The following KLHL29 variants were observed in gnomAD, a reference collection of about 807,000 sequenced individuals.
KLHL29 encodes kelch like family member 29, also known as kelch-like protein 29.
Under a neutral mutation model 80.4 loss-of-function variants are expected in KLHL29, and 21 were observed. That is an observed-to-expected ratio of 0.26 (90% CI 0.19 to 0.38). The LOEUF is 0.38. Among genes scored for constraint, KLHL29 ranks in the 10% least tolerant of loss-of-function variants. The pLI is 1.00. For synonymous variants in KLHL29, 511 were observed against 526.8 expected (o/e 0.97, Z 0.41); for missense variants, 867 against 1,223.9 (o/e 0.71, Z 4.35).
intron 1 of KLHL29, among the ~76,000 whole-genome samples, chr2:23,435,382 G>A (rs1663309457): frequency 6.6e-6 from 1 of 152,204 alleles, no homozygotes; most frequent in Admixed American, 6.5e-5. Context: ...AGTGGAGGCT[G>A]AGCTAGGCTG....
intron 2 of KLHL29, among the ~76,000 whole-genome samples, chr2:23,526,826 A>G (rs1666336161): frequency 6.6e-6 from 1 of 152,178 alleles, no homozygotes; most frequent in Admixed American, 6.5e-5. Context: ...GAATATTTAT[A>G]CAACAGAAAC....
intron 1 of KLHL29, among the ~76,000 whole-genome samples, chr2:23,466,347 TTTC>T (rs1321053395): frequency 6.6e-6 from 1 of 152,236 alleles, no homozygotes; most frequent in Non-Finnish European, 1.5e-5. Context: ...CATCTATGTG[TTTC>T]TTTTTATCAA....
intron 5 of KLHL29, among the ~76,000 whole-genome samples, chr2:23,658,158 A>C (rs1670297955): frequency 1.4e-5 from 2 of 146,548 alleles, no homozygotes; most frequent in Non-Finnish European, 3.0e-5. Flanking sequence ...GTCCTCCCCC[A>C]CCCTACTCAC....
At chr2:23,665,718 CAGA>C (rs1670535954) in intron 5 of KLHL29, among the ~76,000 whole-genome samples, 1 of 152,098 alleles carries the variant, frequency 6.6e-6, no homozygotes, top group African/African-American at 2.4e-5. Context: ...TGAGGGCAGA[CAGA>C]AGAGAGAGGG....
chr2:23,393,104 A>G (rs1479791385), intron 1 of KLHL29, among the ~76,000 whole-genome samples: 1 of 152,230 alleles, frequency 6.6e-6, no homozygotes, highest in African/African-American at 2.4e-5. Flanking sequence ...AGAACCACTA[A>G]TCGCTGACCC....
At chr2:23,425,148 G>C (rs1368665504) in intron 1 of KLHL29, among the ~76,000 whole-genome samples, 1 of 152,008 alleles carries the variant, frequency 6.6e-6, no homozygotes, top group South Asian at 2.1e-4. Context: ...TATAATCCTT[G>C]AATAATATAC....
At chr2:23,403,753 G>A (rs1036153514) in intron 1 of KLHL29, among the ~76,000 whole-genome samples, 1 of 151,792 alleles carries the variant, frequency 6.6e-6, no homozygotes, top group African/African-American at 2.4e-5. Context: ...GTGTGTGTGT[G>A]TGTGTGTGTG....
At position 23,385,411 on chromosome 2, in the gene KLHL29, CGCGGCTGCGGGGAGAGGGCGGG is replaced by C. The variant is rs943697730; in HGVS notation, c.-521_-500del. ...GAGCCAGCCCCAGCCCCGCGGCCGC[CGCGGCTGCGGGGAGAGGGCGGG>C]GGCGATGCTGCCGGAGCCGCCGCCG... On this transcript the variant is annotated 5_prime_UTR_variant, in exon 1 of 14. Transcript: ENST00000486442. 7.9e-5 allele frequency: 12 copies of C among 151,808 alleles called. No individual in the cohort carries two copies. The highest frequency in any genetic ancestry group is 1.7e-4 in the Non-Finnish European group (11 of 66,514). 9.4% of individuals were successfully genotyped at this position (151,808 alleles called of 1,614,324 possible). A position where few individuals can be genotyped will look rare whatever the true frequency, so the allele number is the denominator to read the frequency against.
At chr2:23,548,333 A>G (rs532001726) in intron 2 of KLHL29, among the ~76,000 whole-genome samples, 4 of 149,508 alleles carry the variant, frequency 2.7e-5, no homozygotes, top group Admixed American at 2.0e-4. Flanking sequence ...AAGCACACAG[A>G]CACACACACA....
At chr2:23,586,933 C>A (rs924884141) in intron 3 of KLHL29, among the ~76,000 whole-genome samples, 1 of 152,302 alleles carries the variant, frequency 6.6e-6, no homozygotes, top group African/African-American at 2.4e-5. Context: ...GCCTCAGCGA[C>A]ATTTGTTGGC....
intron 5 of KLHL29, among the ~76,000 whole-genome samples, chr2:23,656,377 ATGTGAGGGAAGGCGAAGGGGAAGGGC>A (rs1159190252): frequency 1.3e-5 from 2 of 152,110 alleles, no homozygotes; most frequent in Non-Finnish European, 2.9e-5. Flanking sequence ...GGACCGAGGG[ATGTGAGGGAAGGCGAAGGGGAAGGGC>A]TGTGAGGCAC....
At chr2:23,491,611 C>G (rs1366631523) in intron 2 of KLHL29, among the ~76,000 whole-genome samples, 1 of 152,130 alleles carries the variant, frequency 6.6e-6, no homozygotes, top group Non-Finnish European at 1.5e-5. Flanking sequence ...CCCTTTCATC[C>G]CTGTCCCAGC....
intron 3 of KLHL29, among the ~76,000 whole-genome samples, chr2:23,621,440 C>A (rs1380754536): frequency 2.0e-5 from 3 of 151,480 alleles, no homozygotes; most frequent in Non-Finnish European, 4.4e-5. Context: ...GCAGTAACTG[C>A]AGTTAGGAGC....
chr2:23,631,852 A>G (rs1270789677), intron 3 of KLHL29, among the ~76,000 whole-genome samples: 1 of 152,194 alleles, frequency 6.6e-6, no homozygotes, highest in Non-Finnish European at 1.5e-5. Context: ...CATGAGCCAC[A>G]TAAGCAAGAC....
intron 1 of KLHL29, among the ~76,000 whole-genome samples, chr2:23,462,688 A>G (rs1664248565): frequency 6.6e-6 from 1 of 152,236 alleles, no homozygotes; most frequent in Admixed American, 6.5e-5. Context: ...TTATGCCCAA[A>G]CATAAGGCAG....
intron 2 of KLHL29, among the ~76,000 whole-genome samples, chr2:23,545,017 T>C (rs1021074098): frequency 1.3e-5 from 2 of 152,076 alleles, no homozygotes; most frequent in Admixed American, 1.3e-4. Context: ...GAGAATACTC[T>C]GAATGAGGGT....
chr2:23,411,587 G>A lies in KLHL29; in HGVS notation c.-154+25807G>A, dbSNP rs917285602. Among the ~76,000 whole-genome samples the A allele has an allele frequency of 7.2e-5, 11 of 152,166 alleles. No individual in the cohort carries two copies. The South Asian group carries it at 1.0e-3, about 14-fold the overall frequency. ...GATTTCCTTCTGTTGTGTGTGTGCC[G>A]CAAGAGTTTTCTCAGCCTCATCCAT... is the stretch of plus-strand genomic sequence containing the variant. On this transcript the variant is annotated intron_variant, in intron 1 of 13. Transcript: ENST00000486442.
chr2:23,610,445 C>T (rs534314337), intron 3 of KLHL29, among the ~76,000 whole-genome samples: 2 of 152,288 alleles, frequency 1.3e-5, no homozygotes, highest in Non-Finnish European at 2.9e-5. Context: ...TAAATTGGTG[C>T]TTTAAGAGGC....
intron 13 of KLHL29, 30 bp from the exon 14 acceptor site, chr2:23,706,451 C>CCTAA (rs55648472): frequency 0.06 from 85,643 of 1,435,580 alleles, 2,938 homozygotes; most frequent in Middle Eastern, 0.067. Context: ...AAGTGAAATG[C>CCTAA]CTAACTCTGT....
Sources: gnomAD v4.1 joint callset for allele counts (sites outside exome capture counted in the v4.1 genomes callset) on GRCh38, gnomAD v4.1.1 for gene constraint, MANE v1.5 for transcripts, NCBI Gene and HGNC (gene_info 2026-07-23, HGNC 2026-07-21) for gene names.